Variants in ALKAL1 observed in about 807,000 individuals in gnomAD.
The protein encoded by ALKAL1 is AUG-beta.
ALKAL1 carries 23 observed loss-of-function variants against 13.5 expected under a neutral mutation model. The observed-to-expected ratio is 1.70, with a 90% confidence interval of 1.23 to 2.41. The LOEUF (loss-of-function observed/expected upper bound fraction) is 2.41. Ranked by LOEUF, ALKAL1 falls within the 30% of genes most tolerant of loss-of-function variation. The pLI is 0.00. For synonymous variants in ALKAL1, 85 were observed against 77.7 expected, an observed-to-expected ratio of 1.09 and a Z score of -0.49; for missense variants, 181 against 178.4, an observed-to-expected ratio of 1.01 and a Z score of -0.08.
chr8:52,548,606 C>T (rs1847397169), intron 1 of ALKAL1, among the ~76,000 whole-genome samples: 1 of 152,022 alleles, frequency 6.6e-6, no homozygotes, highest in African/African-American at 2.4e-5. Flanking sequence ...ACTATGTACC[C>T]ATTATTTGCC....
chr8:52,546,269 C>T (rs1003450407), intron 1 of ALKAL1, among the ~76,000 whole-genome samples: 1 of 152,214 alleles, frequency 6.6e-6, no homozygotes, highest in Non-Finnish European at 1.5e-5. Context: ...TCTGCTGCAA[C>T]ATGCCCACAT....
At chr8:52,558,691 A>C (rs963966717) in intron 1 of ALKAL1, among the ~76,000 whole-genome samples, 1 of 152,102 alleles carries the variant, frequency 6.6e-6, no homozygotes, top group African/African-American at 2.4e-5. Flanking sequence ...GGGCTCCTTC[A>C]TATCCTAGAT....
Position 52,555,694 on chromosome 8 carries a change from G to A in ALKAL1, c.190+9373C>T, listed in dbSNP as rs562417467. ...CAACTAGAGGCAGCCCTTAGTGCCAGAGCCCACCGAAATCATTCAAACCAG... is the reference window on the plus strand; with the variant it reads ...CAACTAGAGGCAGCCCTTAGTGCCAAAGCCCACCGAAATCATTCAAACCAG... On this transcript the variant is annotated intron_variant, in intron 1 of 4. Coordinates refer to ENST00000358543, the MANE Select transcript of ALKAL1 (RefSeq NM_207413.4). 3.9e-5 allele frequency among the ~76,000 whole-genome samples: 6 copies of A among 152,224 alleles called. No individual in the cohort carries two copies. In the East Asian group the frequency reaches 9.7e-4, roughly 25 times the overall value.
At chr8:52,538,022 G>T (rs765455867) in intron 4 of ALKAL1, among the ~76,000 whole-genome samples, 12 of 151,646 alleles carry the variant, frequency 7.9e-5, no homozygotes, top group Non-Finnish European at 1.8e-4. Context: ...CTTGAACCTG[G>T]AAGGCGGAGA....
chr8:52,536,298 C>G (rs986894402), intron 4 of ALKAL1, among the ~76,000 whole-genome samples: 2 of 152,172 alleles, frequency 1.3e-5, no homozygotes, highest in East Asian at 1.9e-4. Context: ...CTTAAAAGGA[C>G]TTGTCCATGG....
At chr8:52,553,177 A>G (rs1440122489) in intron 1 of ALKAL1, among the ~76,000 whole-genome samples, 7 of 152,276 alleles carry the variant, frequency 4.6e-5, no homozygotes, top group African/African-American at 1.7e-4. Context: ...GCGAGACTCT[A>G]TCTCTACAAA....
chr8:52,563,970 G>A (rs1348593585), intron 1 of ALKAL1, among the ~76,000 whole-genome samples: 1 of 152,256 alleles, frequency 6.6e-6, no homozygotes, highest in African/African-American at 2.4e-5. Context: ...ACAGGAACTC[G>A]AAGAAAGTTT....
intron 1 of ALKAL1, among the ~76,000 whole-genome samples, chr8:52,551,263 T>C (rs1324481366): frequency 6.6e-6 from 1 of 152,098 alleles, no homozygotes; most frequent in Admixed American, 6.6e-5. Flanking sequence ...ATATCCTGAC[T>C]GAAAAACTTC....
At chr8:52,534,756 G>C (rs1298600682) in intron 4 of ALKAL1, among the ~76,000 whole-genome samples, 156 bp from the exon 5 acceptor site, 2 of 152,084 alleles carry the variant, frequency 1.3e-5, no homozygotes, top group South Asian at 2.1e-4. Context: ...GTGTGCAGAG[G>C]GGCAGGAAGG....
In ALKAL1 at chr8:52,565,336, G is replaced by A; in HGVS notation, c.-80C>T. On this transcript the variant is annotated 5_prime_UTR_variant, in exon 1 of 5. Coordinates refer to ENST00000358543, the MANE Select transcript of ALKAL1 (RefSeq NM_207413.4). ...CCGGAGGGTGCGCGGCCCAAGAGAA[G>A]GCCAGCGGGACCACAGCGCGGCTAC... The A allele has an allele frequency of 1.8e-6, 2 of 1,134,094 alleles. No homozygotes were observed. Among genetic ancestry groups the A allele is most frequent in the Non-Finnish European group, 2.3e-6 (2 of 882,212 alleles). The allele number at this position is 1,134,094 out of a possible 1,614,324, so 70.3% of individuals were successfully genotyped here.
chr8:52,551,514 G>A (rs1847430784), intron 1 of ALKAL1, among the ~76,000 whole-genome samples: 1 of 145,244 alleles, frequency 6.9e-6, no homozygotes, highest in African/African-American at 2.6e-5. Context: ...TTACTTTGTT[G>A]CCCAAGCTGG....
chr8:52,545,554 C>T lies in ALKAL1; in HGVS notation c.191-3109G>A, dbSNP rs150184431. On this transcript the variant is annotated intron_variant, in intron 1 of 4. Coordinates refer to ENST00000358543, the MANE Select transcript of ALKAL1 (RefSeq NM_207413.4). Reference sequence around the variant, plus strand: ...CCCCTCAAACCCGTTTCCCCTCCCCCATCCCCCTTCAACTTGTCTTACCTT... The same window carrying T: ...CCCCTCAAACCCGTTTCCCCTCCCCTATCCCCCTTCAACTTGTCTTACCTT... 5.6e-3 allele frequency among the ~76,000 whole-genome samples: 857 copies of T among 151,700 alleles called. 8 individuals carry two copies. Among genetic ancestry groups the T allele is most frequent in the African/African-American group, 0.02 (820 of 41,292 alleles).
intron 1 of ALKAL1, among the ~76,000 whole-genome samples, chr8:52,564,578 G>A (rs993822405): frequency 3.3e-5 from 5 of 152,134 alleles, no homozygotes; most frequent in Non-Finnish European, 5.9e-5. Flanking sequence ...AACATAAGCC[G>A]CCGCCTGCTG....
intron 1 of ALKAL1, among the ~76,000 whole-genome samples, chr8:52,547,411 A>C (rs2150345412): frequency 6.6e-6 from 1 of 152,208 alleles, no homozygotes; most frequent in African/African-American, 2.4e-5. Context: ...GAGGGAGGAG[A>C]ATCAATTGAA....
At chr8:52,545,960 A>G (rs1348237859) in intron 1 of ALKAL1, among the ~76,000 whole-genome samples, 1 of 152,228 alleles carries the variant, frequency 6.6e-6, no homozygotes, top group African/African-American at 2.4e-5. Flanking sequence ...ACACTCAGCT[A>G]TATGGTATAG....
intron 2 of ALKAL1, among the ~76,000 whole-genome samples, chr8:52,541,666 G>T (rs1364120246): frequency 6.6e-6 from 1 of 152,172 alleles, no homozygotes; most frequent in African/African-American, 2.4e-5. Flanking sequence ...CTATTTGGGA[G>T]GCTGAGGCAG....
chr8:52,545,402 C>G (rs973657718), intron 1 of ALKAL1, among the ~76,000 whole-genome samples: 8 of 152,102 alleles, frequency 5.3e-5, no homozygotes, highest in Non-Finnish European at 1.2e-4. Flanking sequence ...ATTCACTGAG[C>G]CACACTAAAT....
chr8:52,556,181 A>G (rs1456053091), intron 1 of ALKAL1, among the ~76,000 whole-genome samples: 1 of 152,238 alleles, frequency 6.6e-6, no homozygotes, highest in Non-Finnish European at 1.5e-5. Context: ...GTTTTCCAGT[A>G]TATTTCAAAA....
At chr8:52,551,098 A>T (rs1847423329) in intron 1 of ALKAL1, among the ~76,000 whole-genome samples, 1 of 152,162 alleles carries the variant, frequency 6.6e-6, no homozygotes, top group Non-Finnish European at 1.5e-5. Context: ...TAACCAAGAC[A>T]TCAAAAAACA....
Sources: gnomAD v4.1 joint callset for allele counts (sites outside exome capture counted in the v4.1 genomes callset) on GRCh38, gnomAD v4.1.1 for gene constraint, MANE v1.5 for transcripts, NCBI Gene and HGNC (gene_info 2026-07-23, HGNC 2026-07-21) for gene names.